Variants in CALN1 observed in about 807,000 individuals in gnomAD.
CALN1 encodes calneuron 1, also known as calcium-binding protein 8.
In CALN1, 17 loss-of-function variants were observed where a neutral mutation model predicts 30.6. The ratio of observed to expected loss-of-function variants is 0.56; its 90% CI spans 0.38 to 0.83. The LOEUF is 0.83. Among genes scored for constraint, CALN1 ranks in the 40% least tolerant of loss-of-function variants. The probability of loss-of-function intolerance (pLI) is 0.00; values close to 1 mark genes in which losing one functional copy is unlikely to be tolerated. For missense variants in CALN1, 291 were observed against 354.9 expected, an observed-to-expected ratio of 0.82 and a Z score of 1.45; for synonymous variants, 156 against 131.4, an observed-to-expected ratio of 1.19 and a Z score of -1.28.
chr7:71,871,706 C>T (rs35789881), intron 5 of CALN1, among the ~76,000 whole-genome samples: 5,109 of 152,252 alleles, frequency 0.034, 268 homozygotes, highest in African/African-American at 0.11. Context: ...ACTCTTCCAT[C>T]ATTTACTCTT....
At chr7:72,373,521 A>G (rs1194254234) in intron 2 of CALN1, among the ~76,000 whole-genome samples, 8 of 152,176 alleles carry the variant, frequency 5.3e-5, no homozygotes, top group African/African-American at 1.4e-4. Context: ...GTATTCAATA[A>G]ACTACATGAG....
At chr7:72,090,956 C>G (rs1805819482) in intron 4 of CALN1, among the ~76,000 whole-genome samples, 1 of 152,034 alleles carries the variant, frequency 6.6e-6, no homozygotes, top group South Asian at 2.1e-4. Flanking sequence ...GAAGAGATGG[C>G]TAATGGGTAT....
chr7:72,210,102 G>A (rs1585173455), intron 3 of CALN1, among the ~76,000 whole-genome samples: 3 of 152,068 alleles, frequency 2.0e-5, no homozygotes, highest in African/African-American at 4.8e-5. Flanking sequence ...GTCCTATGAA[G>A]AAGGACAACT....
chr7:72,435,243 AAAAAAAAAGGAAAAAG>A (rs1808114085), intron 1 of CALN1, among the ~76,000 whole-genome samples: 2 of 151,666 alleles, frequency 1.3e-5, no homozygotes, highest in Admixed American at 6.6e-5. Flanking sequence ...TCTAAGGAAA[AAAAAAAAAGGAAAAAG>A]AAAAGAAAGG....
At chr7:72,336,761 G>A (rs1199502160) in intron 2 of CALN1, 3 of 985,330 alleles carry the variant, frequency 3.0e-6, no homozygotes, top group Non-Finnish European at 3.6e-6. Context: ...CACAGCGCGG[G>A]GGGCTTCCTC....
At chr7:71,901,954 A>C (rs961165627) in intron 5 of CALN1, among the ~76,000 whole-genome samples, 7 of 152,240 alleles carry the variant, frequency 4.6e-5, no homozygotes, top group African/African-American at 1.7e-4. Context: ...TTTACACAGC[A>C]AAAGAAATAA....
At chr7:72,356,646 CAA>C (rs1803249163) in intron 2 of CALN1, among the ~76,000 whole-genome samples, 1 of 151,856 alleles carries the variant, frequency 6.6e-6, no homozygotes, top group Non-Finnish European at 1.5e-5. Context: ...AATATAGGCT[CAA>C]AATATATAAA....
At chr7:72,465,743 G>T in the CALN1 span, among the ~76,000 whole-genome samples, 1 of 152,234 alleles carries the variant, frequency 6.6e-6, no homozygotes, top group African/African-American at 2.4e-5. Context: ...AACACTTGCA[G>T]TATAAAATGC....
At chr7:72,433,971 G>T (rs1808059984) in intron 1 of CALN1, among the ~76,000 whole-genome samples, 3 of 151,726 alleles carry the variant, frequency 2.0e-5, no homozygotes, top group Admixed American at 2.0e-4. Context: ...TGAGGCAGAG[G>T]ATCACTTGAG....
At chr7:72,257,409 A>G (rs1262463287) in intron 3 of CALN1, among the ~76,000 whole-genome samples, 2 of 152,116 alleles carry the variant, frequency 1.3e-5, no homozygotes, top group African/African-American at 2.4e-5. Context: ...AACCACAATG[A>G]GATGCCACCT....
At chr7:72,362,355 A>G (rs138367609) in intron 2 of CALN1, among the ~76,000 whole-genome samples, 11 of 152,234 alleles carry the variant, frequency 7.2e-5, no homozygotes, top group Admixed American at 2.6e-4. Context: ...TGTAGCTTAC[A>G]TATTTCTCAA....
At chr7:72,109,242 A>C (rs560785598) in intron 3 of CALN1, among the ~76,000 whole-genome samples, 32 of 152,108 alleles carry the variant, frequency 2.1e-4, no homozygotes, top group South Asian at 2.1e-4. Context: ...AGAGAAGACC[A>C]CCCTGTGCAC....
intron 2 of CALN1, among the ~76,000 whole-genome samples, chr7:72,389,176 C>T (rs1311457081): frequency 6.6e-6 from 1 of 152,180 alleles, no homozygotes; most frequent in Non-Finnish European, 1.5e-5. Context: ...CGGGGCAACG[C>T]AGGAGCCCCT....
chr7:71,961,900 C>T (rs1296463235), intron 5 of CALN1, among the ~76,000 whole-genome samples: 1 of 152,122 alleles, frequency 6.6e-6, no homozygotes, highest in African/African-American at 2.4e-5. Context: ...TTCCAGACCT[C>T]GTGAGGTTCC....
intron 5 of CALN1, among the ~76,000 whole-genome samples, chr7:71,840,525 AG>A: frequency 6.6e-6 from 1 of 151,688 alleles, no homozygotes; most frequent in African/African-American, 2.4e-5. Context: ...AAAAAGAAAA[AG>A]AAACAAACCC....
At chr7:71,902,455 T>C (rs546651633) in intron 5 of CALN1, among the ~76,000 whole-genome samples, 13 of 152,088 alleles carry the variant, frequency 8.5e-5, no homozygotes, top group Middle Eastern at 3.4e-3. Context: ...GAAAAGCAAA[T>C]AGATGGATAG....
chr7:72,328,967 G>A (rs1272953754), intron 2 of CALN1, among the ~76,000 whole-genome samples: 2 of 152,260 alleles, frequency 1.3e-5, no homozygotes, highest in African/African-American at 4.8e-5. Context: ...AAAGTGCTGG[G>A]ATTACAGGCG....
At chr7:72,195,541 A>C (rs1790926029) in intron 3 of CALN1, among the ~76,000 whole-genome samples, 1 of 152,086 alleles carries the variant, frequency 6.6e-6, no homozygotes, top group Non-Finnish European at 1.5e-5. Flanking sequence ...ATTCCTGGCT[A>C]ATTTTTAAAA....
chr7:72,252,789 A>G (rs1277074365), intron 3 of CALN1, among the ~76,000 whole-genome samples: 2 of 151,994 alleles, frequency 1.3e-5, no homozygotes, highest in Non-Finnish European at 2.9e-5. Context: ...TATTTTCTGT[A>G]ATTTTTATAA....
Sources: gnomAD v4.1 joint callset for allele counts (sites outside exome capture counted in the v4.1 genomes callset) on GRCh38, gnomAD v4.1.1 for gene constraint, MANE v1.5 for transcripts, NCBI Gene and HGNC (gene_info 2026-07-23, HGNC 2026-07-21) for gene names.